The following CPQ variants were observed in gnomAD, a reference collection of about 807,000 sequenced individuals.
CPQ encodes carboxypeptidase Q.
In CPQ, 37 loss-of-function variants were observed where a neutral mutation model predicts 45.7. The observed-to-expected ratio is 0.81, with a 90% CI of 0.62 to 1.07. The LOEUF is 1.07. CPQ is among the 50% of genes least tolerant of loss of function. CPQ has a pLI of 0.00. For missense variants in CPQ, 537 were observed against 572.9 expected (o/e 0.94, Z 0.64); for synonymous variants, 186 against 205.8 (o/e 0.90, Z 0.82).
At chr8:97,113,996 C>G (rs1355787682) in intron 7 of CPQ, among the ~76,000 whole-genome samples, 1 of 152,224 alleles carries the variant, frequency 6.6e-6, no homozygotes. Flanking sequence ...CTACCTGTCT[C>G]TTTCCAGAGC....
intron 7 of CPQ, among the ~76,000 whole-genome samples, chr8:97,136,293 T>C (rs764729839): frequency 2.0e-5 from 3 of 152,182 alleles, no homozygotes; most frequent in Non-Finnish European, 4.4e-5. Flanking sequence ...GTTCCGTCTT[T>C]AAAAAGCGAT....
chr8:96,773,578 G>A (rs769273250), intron 1 of CPQ, among the ~76,000 whole-genome samples: 3 of 152,174 alleles, frequency 2.0e-5, no homozygotes, highest in African/African-American at 4.8e-5. Context: ...GTGGGGATAC[G>A]ATATAAAGGT....
intron 2 of CPQ, among the ~76,000 whole-genome samples, chr8:96,787,477 T>A (rs1022454642): frequency 6.1e-5 from 9 of 148,110 alleles, no homozygotes; most frequent in South Asian, 2.2e-4. Flanking sequence ...ATATTTTGCA[T>A]TTACATCCAT....
intron 6 of CPQ, among the ~76,000 whole-genome samples, chr8:97,043,154 A>G (rs1398659264): frequency 1.3e-5 from 2 of 152,176 alleles, no homozygotes; most frequent in Admixed American, 6.5e-5. Context: ...GGCTTGCTTT[A>G]TGAATCTGGG....
chr8:96,917,729 G>C (rs1490964930), intron 4 of CPQ, among the ~76,000 whole-genome samples: 3 of 152,068 alleles, frequency 2.0e-5, no homozygotes, highest in African/African-American at 7.2e-5. Context: ...ATTTCTCTGT[G>C]TAATCATTTG....
At chr8:96,906,791 T>C (rs1031293371) in intron 4 of CPQ, among the ~76,000 whole-genome samples, 12 of 152,070 alleles carry the variant, frequency 7.9e-5, no homozygotes, top group Non-Finnish European at 1.6e-4. Context: ...CCTAATCACC[T>C]TCCAAACACC....
intron 4 of CPQ, among the ~76,000 whole-genome samples, chr8:96,924,951 G>T (rs1337816039): frequency 1.3e-5 from 2 of 152,076 alleles, no homozygotes; most frequent in African/African-American, 4.8e-5. Flanking sequence ...ACCCTTTTAT[G>T]TAACCCCTTC....
At chr8:96,743,140 C>T (rs938905786) in intron 1 of CPQ, among the ~76,000 whole-genome samples, 4 of 152,116 alleles carry the variant, frequency 2.6e-5, no homozygotes, top group Non-Finnish European at 4.4e-5. Context: ...GGTCTTTTCA[C>T]GTAGTCCCAT....
intron 5 of CPQ, among the ~76,000 whole-genome samples, chr8:97,021,599 C>G (rs533535108): frequency 3.3e-5 from 5 of 152,116 alleles, no homozygotes; most frequent in Admixed American, 1.3e-4. Context: ...AGAACTCAAC[C>G]CCTTTTAAAA....
At chr8:96,903,573 G>A (rs926255662) in intron 4 of CPQ, among the ~76,000 whole-genome samples, 5 of 152,082 alleles carry the variant, frequency 3.3e-5, no homozygotes, top group African/African-American at 4.8e-5. Flanking sequence ...AAAAATAGCC[G>A]CTATTTTCTG....
At chr8:97,020,994 T>C (rs1481618401) in intron 5 of CPQ, among the ~76,000 whole-genome samples, 1 of 152,028 alleles carries the variant, frequency 6.6e-6, no homozygotes, top group Non-Finnish European at 1.5e-5. Flanking sequence ...GCTAACCAAA[T>C]CCAACAACGT....
intron 1 of CPQ, among the ~76,000 whole-genome samples, chr8:96,661,061 A>G (rs1815695929): frequency 6.6e-6 from 1 of 152,230 alleles, no homozygotes; most frequent in Non-Finnish European, 1.5e-5. Flanking sequence ...AACATAGTAG[A>G]TAATTAATCA....
At position 97,112,519 on chromosome 8, in the gene CPQ, G is replaced by T. The variant is rs951111804; in HGVS notation, c.1256-30501G>T. ...TGGCACAATAAGGAAGCAGTGGCAG[G>T]TATGAGAGGGAGTGGTGAAGACAAA... On this transcript the variant is annotated intron_variant, in intron 7 of 7. Coordinates refer to ENST00000220763, the MANE Select transcript of CPQ (RefSeq NM_016134.4). Among the ~76,000 whole-genome samples, 3 of 152,216 alleles carry T rather than the reference G, an allele frequency of 2.0e-5. No individual in the cohort carries two copies. In the South Asian group the frequency reaches 6.2e-4, roughly 32 times the overall value.
chr8:96,835,547 C>A (rs1811519280), intron 3 of CPQ, among the ~76,000 whole-genome samples: 1 of 152,158 alleles, frequency 6.6e-6, no homozygotes, highest in Non-Finnish European at 1.5e-5. Flanking sequence ...GCCTGTTTTC[C>A]ATGTTGCTAG....
At chr8:96,814,101 T>TG (rs1376649725) in intron 2 of CPQ, among the ~76,000 whole-genome samples, 4 of 152,008 alleles carry the variant, frequency 2.6e-5, no homozygotes, top group Admixed American at 2.0e-4. Flanking sequence ...TAACGTATTT[T>TG]GGGGGGCATT....
intron 1 of CPQ, among the ~76,000 whole-genome samples, chr8:96,686,204 G>C (rs2130733438): frequency 6.6e-6 from 1 of 151,972 alleles, no homozygotes; most frequent in East Asian, 1.9e-4. Context: ...TTACTGTCTA[G>C]TTATGTTATT....
intron 1 of CPQ, among the ~76,000 whole-genome samples, chr8:96,732,001 A>G (rs1296064458): frequency 6.6e-6 from 1 of 152,164 alleles, no homozygotes; most frequent in Admixed American, 6.5e-5. Flanking sequence ...ACATTAGTAA[A>G]TAGTGAAATG....
At chr8:96,805,875 T>C (rs1003109663) in intron 2 of CPQ, among the ~76,000 whole-genome samples, 4 of 151,950 alleles carry the variant, frequency 2.6e-5, no homozygotes, top group South Asian at 2.1e-4. Context: ...CCCTCCACCA[T>C]AGAACTTGGT....
At chr8:97,049,779 A>G (rs1810326176) in intron 6 of CPQ, among the ~76,000 whole-genome samples, 1 of 152,246 alleles carries the variant, frequency 6.6e-6, no homozygotes, top group Non-Finnish European at 1.5e-5. Flanking sequence ...CATGTCTAAA[A>G]TACCTTCAAT....
Sources: allele counts gnomAD v4.1 joint callset (sites outside exome capture counted in the v4.1 genomes callset), GRCh38; gene constraint gnomAD v4.1.1; transcripts MANE v1.5; gene names NCBI Gene and HGNC (gene_info 2026-07-23, HGNC 2026-07-21).